Variants in CLGN observed in about 807,000 individuals in gnomAD.
CLGN encodes the protein testis tissue sperm-binding protein Li 79P.
CLGN carries 62 observed loss-of-function variants against 79.1 expected under a neutral mutation model. That is an observed-to-expected ratio of 0.78 (90% confidence interval 0.64 to 0.97). The LOEUF (loss-of-function observed/expected upper bound fraction) is 0.97. CLGN is among the 50% of genes least tolerant of loss of function. CLGN has a pLI of 0.00. For synonymous variants in CLGN, 225 were observed against 224.7 expected (o/e 1.00, Z -0.01); for missense variants, 647 against 715.5 (o/e 0.90, Z 1.09).
At position 140,389,103 on chromosome 4, in the gene CLGN, G is replaced by A. The variant is rs1395535629; in HGVS notation, c.*121C>T. ...GAAGGACTAAAATAAATGTCTGAAAGAATATAATGTTGCTAGATATTAGAA... is the reference window on the plus strand; with the variant it reads ...GAAGGACTAAAATAAATGTCTGAAAAAATATAATGTTGCTAGATATTAGAA... On this transcript the variant is annotated 3_prime_UTR_variant, in exon 15 of 15. Coordinates refer to ENST00000325617, the MANE Select transcript of CLGN (RefSeq NM_004362.3). 2 of 720,160 alleles carry A rather than the reference G, an allele frequency of 2.8e-6. No individual in the cohort carries two copies. The highest frequency in any genetic ancestry group is 5.3e-5 in the East Asian group (2 of 37,452). The allele number at this position is 720,160 out of a possible 1,614,324, so 44.6% of individuals were successfully genotyped here. A position where few individuals can be genotyped will look rare whatever the true frequency, so the allele number is the denominator to read the frequency against.
chr4:140,396,543 C>G (rs775118576), intron 8 of CLGN, among the ~76,000 whole-genome samples: 1 of 151,660 alleles, frequency 6.6e-6, no homozygotes, highest in Non-Finnish European at 1.5e-5. Flanking sequence ...CAAGACTGTT[C>G]GAGGAGCTCC....
At chr4:140,410,982 T>C (rs932269822) in intron 2 of CLGN, among the ~76,000 whole-genome samples, 6 of 152,028 alleles carry the variant, frequency 3.9e-5, no homozygotes, top group African/African-American at 9.7e-5. Context: ...AGTAAGCACA[T>C]AGGCTTTTAA....
At chr4:140,415,214 A>C (rs1197978815) in intron 1 of CLGN, among the ~76,000 whole-genome samples, 1 of 152,210 alleles carries the variant, frequency 6.6e-6, no homozygotes, top group South Asian at 2.1e-4. Flanking sequence ...TAAACATGGA[A>C]AGGAACAACA....
In CLGN at chr4:140,403,743, A is replaced by G. The variant is rs533015542; in HGVS notation, c.420-1677T>C. 6.3e-4 allele frequency among the ~76,000 whole-genome samples: 96 copies of G among 152,350 alleles called. 4 individuals are homozygous for G. The South Asian group carries it at 0.018, about 29-fold the overall frequency. On this transcript the variant is annotated intron_variant, in intron 5 of 14. Transcript: ENST00000325617. ...TCACCTTGTCCATTTCTTATACTGCAAACTTTTAGAGTTTTCAAATAATTA... is the reference window on the plus strand; with the variant it reads ...TCACCTTGTCCATTTCTTATACTGCGAACTTTTAGAGTTTTCAAATAATTA...
intron 5 of CLGN, among the ~76,000 whole-genome samples, chr4:140,405,218 T>C (rs1729081353): frequency 7.0e-6 from 1 of 143,088 alleles, no homozygotes; most frequent in Non-Finnish European, 1.5e-5. Flanking sequence ...GGAGTCTCGC[T>C]CTGTCGCCCA....
At chr4:140,417,404 T>C (rs1238628140) in intron 1 of CLGN, among the ~76,000 whole-genome samples, 10 of 144,048 alleles carry the variant, frequency 6.9e-5, no homozygotes, top group South Asian at 2.4e-4. Flanking sequence ...AAAGAGGAAG[T>C]CAAATTGTCC....
chr4:140,394,326 G>T (rs901513800), intron 10 of CLGN, among the ~76,000 whole-genome samples: 36 of 152,076 alleles, frequency 2.4e-4, no homozygotes, highest in African/African-American at 8.7e-4. Context: ...TGTCTACTTT[G>T]GACAAATTTT....
At chr4:140,417,417 G>C (rs1439309701) in intron 1 of CLGN, among the ~76,000 whole-genome samples, 3 of 143,868 alleles carry the variant, frequency 2.1e-5, no homozygotes, top group Admixed American at 1.4e-4. Flanking sequence ...AATTGTCCCT[G>C]TTTGCAGACG....
At chr4:140,409,113 C>T (rs892485101) in intron 4 of CLGN, among the ~76,000 whole-genome samples, 10 of 151,888 alleles carry the variant, frequency 6.6e-5, no homozygotes, top group African/African-American at 2.4e-4. Context: ...GATGTAACTG[C>T]TTATCAGAGT....
chr4:140,391,508 T>C (rs1728773184), intron 13 of CLGN, among the ~76,000 whole-genome samples: 1 of 151,474 alleles, frequency 6.6e-6, no homozygotes, highest in African/African-American at 2.4e-5. Flanking sequence ...TATGTGTGTA[T>C]ATATATATAT....
intron 1 of CLGN, 52 bp from the exon 2 acceptor site, chr4:140,413,139 T>C: frequency 9.3e-6 from 13 of 1,399,534 alleles, no homozygotes; most frequent in Non-Finnish European, 1.2e-5. Context: ...TGAAAATAAG[T>C]GTTAAGTATA....
chr4:140,396,976 A>G (rs1319352345), intron 8 of CLGN, among the ~76,000 whole-genome samples: 1 of 146,994 alleles, frequency 6.8e-6, no homozygotes, highest in African/African-American at 2.5e-5. Context: ...ATAGTTTTCT[A>G]CTTGAGGATA....
At chr4:140,398,095 C>T (rs532211760) in intron 8 of CLGN, among the ~76,000 whole-genome samples, 1 of 152,034 alleles carries the variant, frequency 6.6e-6, no homozygotes, top group Non-Finnish European at 1.5e-5. Context: ...TAGATTTGTG[C>T]TTGCCTGATA....
At chr4:140,410,394 C>G (rs1028893904) in intron 3 of CLGN, among the ~76,000 whole-genome samples, 159 bp downstream of exon 3, 1 of 151,834 alleles carries the variant, frequency 6.6e-6, no homozygotes, top group Non-Finnish European at 1.5e-5. Context: ...AACATTCTAT[C>G]AATTACAAAA....
chr4:140,405,194 T>TA (rs1245563259), intron 5 of CLGN, among the ~76,000 whole-genome samples: 2 of 147,228 alleles, frequency 1.4e-5, no homozygotes, highest in Non-Finnish European at 3.0e-5. Context: ...TTTTTTTATT[T>TA]TTTTTTTTGA....
At chr4:140,401,824 C>T (rs1031524970) in intron 6 of CLGN, among the ~76,000 whole-genome samples, 161 bp downstream of exon 6, 3 of 152,020 alleles carry the variant, frequency 2.0e-5, no homozygotes, top group Non-Finnish European at 2.9e-5. Context: ...TTATATAAAA[C>T]TTGAAGGCGA....
chr4:140,407,571 CTT>C (rs1729131383), intron 4 of CLGN, among the ~76,000 whole-genome samples: 1 of 136,702 alleles, frequency 7.3e-6, no homozygotes, highest in South Asian at 2.3e-4. Context: ...AACTCAATGA[CTT>C]TTACAATGGC....
At position 140,396,115 on chromosome 4, in the gene CLGN, A is replaced by C. The variant is rs1728869052; in HGVS notation, c.975T>G (p.Pro325=). ...LDDEPKFIPD[P]NAEKPDDWNE... Reference sequence around the variant, plus strand: ...ACCAGTCATCAGGTTTTTCAGCATTAGGATCAGGGATAAATTTTGGTTCAT... The same window carrying C: ...ACCAGTCATCAGGTTTTTCAGCATTCGGATCAGGGATAAATTTTGGTTCAT... Residue 325 remains proline, a synonymous_variant, in exon 9 of 15, where the codon CCT becomes CCG. Coordinates refer to ENST00000325617, the MANE Select transcript of CLGN (RefSeq NM_004362.3). 1.2e-6 allele frequency: 2 copies of C among 1,614,056 alleles called. No individual in the cohort carries two copies. The highest frequency in any genetic ancestry group is 1.7e-6 in the Non-Finnish European group (2 of 1,179,980).
intron 1 of CLGN, among the ~76,000 whole-genome samples, chr4:140,421,040 T>C (rs1729459660): frequency 6.6e-6 from 1 of 152,130 alleles, no homozygotes; most frequent in Admixed American, 6.6e-5. Flanking sequence ...TGCATATAAG[T>C]GGAATCATAC....
Sources: gnomAD v4.1 joint callset for allele counts (sites outside exome capture counted in the v4.1 genomes callset) on GRCh38, gnomAD v4.1.1 for gene constraint, MANE v1.5 for transcripts, NCBI Gene and HGNC (gene_info 2026-07-23, HGNC 2026-07-21) for gene names.